Variants in RTN1 observed in about 807,000 individuals in gnomAD.
RTN1 encodes reticulon 1.
In RTN1, 25 loss-of-function variants were observed where a neutral mutation model predicts 65.5. The observed-to-expected ratio is 0.38, with a 90% CI of 0.28 to 0.53. RTN1 has a LOEUF of 0.53. RTN1 is among the 20% of genes least tolerant of loss of function. The probability of loss-of-function intolerance (pLI) is 0.79; values close to 1 mark genes in which losing one functional copy is unlikely to be tolerated. For synonymous variants in RTN1, 471 were observed against 447.6 expected (o/e 1.05, Z -0.66); for missense variants, 983 against 1,025.4 (o/e 0.96, Z 0.57).
intron 3 of RTN1, among the ~76,000 whole-genome samples, chr14:59,655,843 T>C (rs920494226): frequency 3.9e-5 from 6 of 152,192 alleles, no homozygotes; most frequent in African/African-American, 1.4e-4. Flanking sequence ...TAACTCAAAA[T>C]AGATGAAAGA....
At position 59,870,624 on chromosome 14, in the gene RTN1, C is replaced by T; in HGVS notation, c.7G>A (p.Ala3Thr). MA[A>T]PGDPQDELLP... ...AGCTCGTCCTGCGGATCCCCCGGCG[C>T]GGCCATGGCTGGCGGTCCCCCGGCG... Residue 3 changes from alanine to threonine, a missense_variant, in exon 1 of 9, where the codon GCG (alanine) becomes ACG (threonine). Ala to Thr is a moderately conservative substitution (Grantham distance 58). Transcript: ENST00000267484. The surrounding 1 kb of genome is among the most constrained non-coding windows in gnomAD (Gnocchi z 5.1). 2.1e-6 allele frequency: 3 copies of T among 1,411,468 alleles called. No individual in the cohort carries two copies. Among genetic ancestry groups the T allele is most frequent in the Non-Finnish European group, 2.8e-6 (3 of 1,087,632 alleles). 87.4% of individuals were successfully genotyped at this position (1,411,468 alleles called of 1,614,324 possible).
chr14:59,754,403 TA>T (rs1417779986), intron 1 of RTN1, among the ~76,000 whole-genome samples: 1 of 152,208 alleles, frequency 6.6e-6, no homozygotes, highest in East Asian at 1.9e-4. Flanking sequence ...GCTTTAATCC[TA>T]AAATTCTATT....
intron 1 of RTN1, among the ~76,000 whole-genome samples, chr14:59,835,805 T>C (rs1016844177): frequency 2.0e-5 from 3 of 152,214 alleles, no homozygotes; most frequent in African/African-American, 7.2e-5. Context: ...CAATTAATGA[T>C]AACAGGTGTT....
Position 59,845,630 on chromosome 14 carries a change from A to G in RTN1, c.241+24760T>C, listed in dbSNP as rs149166852. 4.3e-3 allele frequency among the ~76,000 whole-genome samples: 658 copies of G among 152,324 alleles called. 4 individuals are homozygous for G. The highest frequency in any genetic ancestry group is 0.015 in the African/African-American group (626 of 41,578). Reference sequence around the variant, plus strand: ...AAATACCAAATTACTCTCTATTGTTAACAGAGAATAAAATCTAAAGTTCCT... The same window carrying G: ...AAATACCAAATTACTCTCTATTGTTGACAGAGAATAAAATCTAAAGTTCCT... On this transcript the variant is annotated intron_variant, in intron 1 of 8. Transcript: ENST00000267484.
intron 2 of RTN1, among the ~76,000 whole-genome samples, chr14:59,730,717 AT>A: frequency 6.6e-6 from 1 of 152,242 alleles, no homozygotes; most frequent in East Asian, 1.9e-4. Context: ...TCCAAAGGCA[AT>A]TTACAAATGG....
At chr14:59,780,064 C>T (rs1006205449) in intron 1 of RTN1, among the ~76,000 whole-genome samples, 1 of 152,184 alleles carries the variant, frequency 6.6e-6, no homozygotes, top group African/African-American at 2.4e-5. Context: ...GCCTTGATCC[C>T]TCATTTACCA....
At chr14:59,642,879 G>C (rs1019017667) in intron 3 of RTN1, among the ~76,000 whole-genome samples, 1 of 152,106 alleles carries the variant, frequency 6.6e-6, no homozygotes, top group Admixed American at 6.6e-5. Context: ...TGGGCTTTGT[G>C]TATTAAAGAA....
At chr14:59,618,645 G>A (rs1882173240) in intron 3 of RTN1, among the ~76,000 whole-genome samples, 2 of 152,210 alleles carry the variant, frequency 1.3e-5, no homozygotes, top group Non-Finnish European at 2.9e-5. Context: ...CTTGTATCTT[G>A]GCTAGTTAAT....
chr14:59,831,602 A>G (rs1887125402), intron 1 of RTN1, among the ~76,000 whole-genome samples: 1 of 152,028 alleles, frequency 6.6e-6, no homozygotes, highest in South Asian at 2.1e-4. Context: ...CTCTCTCTCC[A>G]TATGTATGTG....
At chr14:59,853,637 C>T (rs905622239) in intron 1 of RTN1, among the ~76,000 whole-genome samples, 8 of 152,112 alleles carry the variant, frequency 5.3e-5, no homozygotes, top group Admixed American at 6.5e-5. Flanking sequence ...TCCCAGCTCT[C>T]TCCTACTTGT....
At chr14:59,599,611 G>A (rs903697868) in intron 8 of RTN1, among the ~76,000 whole-genome samples, 1 of 152,000 alleles carries the variant, frequency 6.6e-6, no homozygotes, top group African/African-American at 2.4e-5. Context: ...TTTCCACAAG[G>A]ACACCAAGAA....
chr14:59,733,161 T>C (rs1039139651), intron 2 of RTN1, among the ~76,000 whole-genome samples: 12 of 151,780 alleles, frequency 7.9e-5, no homozygotes, highest in African/African-American at 1.7e-4. Flanking sequence ...GTGCGATCCC[T>C]GCTCACTGTA....
chr14:59,636,399 C>G (rs995730169), intron 3 of RTN1, among the ~76,000 whole-genome samples: 1 of 152,178 alleles, frequency 6.6e-6, no homozygotes, highest in African/African-American at 2.4e-5. Context: ...TGCCTGCTCC[C>G]ACTTCACCTT....
chr14:59,716,986 C>CAAA (rs67370818), intron 3 of RTN1, among the ~76,000 whole-genome samples: 3 of 119,566 alleles, frequency 2.5e-5, no homozygotes, highest in Non-Finnish European at 4.0e-5. Context: ...AACAAACAAA[C>CAAA]AAAAAAAAAA....
At chr14:59,755,533 A>T (rs1885620866) in intron 1 of RTN1, among the ~76,000 whole-genome samples, 2 of 151,364 alleles carry the variant, frequency 1.3e-5, no homozygotes, top group African/African-American at 4.8e-5. Flanking sequence ...GCCTGCACAG[A>T]GGTTAGGCTG....
At chr14:59,639,881 T>C (rs1882740616) in intron 3 of RTN1, among the ~76,000 whole-genome samples, 1 of 152,232 alleles carries the variant, frequency 6.6e-6, no homozygotes, top group African/African-American at 2.4e-5. Context: ...TCACATGGCT[T>C]CTATGTGACA....
chr14:59,870,347 C>A lies in RTN1; in HGVS notation c.241+43G>T. ...GCAGAAGGGGACTGACTGGGGGGCC[C>A]TGGTCCCCGACGCCATTTGAGGGGC... On this transcript the variant is annotated intron_variant, in intron 1 of 8. Transcript: ENST00000267484. The surrounding 1 kb of genome is among the most constrained non-coding windows in gnomAD (Gnocchi z 5.1). 1.4e-6 allele frequency: 2 copies of A among 1,450,930 alleles called. No homozygotes were observed. The highest frequency in any genetic ancestry group is 1.8e-6 in the Non-Finnish European group (2 of 1,109,742). 89.9% of individuals were successfully genotyped at this position (1,450,930 alleles called of 1,614,324 possible).
At chr14:59,821,461 A>G (rs1383391010) in intron 1 of RTN1, among the ~76,000 whole-genome samples, 1 of 152,214 alleles carries the variant, frequency 6.6e-6, no homozygotes, top group Non-Finnish European at 1.5e-5. Context: ...ATAATCTGCA[A>G]AGACAGATAG....
chr14:59,685,866 C>T (rs573828126), intron 3 of RTN1, among the ~76,000 whole-genome samples: 1 of 152,200 alleles, frequency 6.6e-6, no homozygotes, highest in South Asian at 2.1e-4. Context: ...TAAAGCAATC[C>T]TGAGCAAAAA....
Sources: allele counts gnomAD v4.1 joint callset (sites outside exome capture counted in the v4.1 genomes callset), GRCh38; gene constraint gnomAD v4.1.1; non-coding constraint Gnocchi (gnomAD v3.1); transcripts MANE v1.5; gene names NCBI Gene and HGNC (gene_info 2026-07-23, HGNC 2026-07-21).